U2SURP: variants seen among roughly 807,000 people sequenced by gnomAD.
The protein encoded by U2SURP is U2 snRNP associated SURP domain containing.
A neutral mutation model predicts 144.9 loss-of-function variants in U2SURP; 9 were observed. That is an observed-to-expected ratio of 0.06 (90% CI 0.04 to 0.11). U2SURP has a LOEUF of 0.11. Among genes scored for constraint, U2SURP ranks in the 10% least tolerant of loss-of-function variants. The pLI, the probability that U2SURP is intolerant of heterozygous loss-of-function variation, is 1.00. For synonymous variants in U2SURP, 408 were observed against 396.8 expected, an observed-to-expected ratio of 1.03 and a Z score of -0.33; for missense variants, 724 against 1,226.7, an observed-to-expected ratio of 0.59 and a Z score of 6.12.
At chr3:143,017,859 A>G (rs1312079632) in intron 6 of U2SURP, among the ~76,000 whole-genome samples, 1 of 151,932 alleles carries the variant, frequency 6.6e-6, no homozygotes, top group African/African-American at 2.4e-5. Context: ...CCTGGACTCA[A>G]GCGATTTGCC....
intron 24 of U2SURP, 40 bp downstream of exon 24, chr3:143,043,316 T>G (rs1270832430): frequency 1.3e-6 from 2 of 1,547,282 alleles, no homozygotes. Context: ...CTTTATTGGC[T>G]TTTCACTTTC....
At chr3:143,029,086 A>G (rs1933324250) in intron 16 of U2SURP, among the ~76,000 whole-genome samples, 2 of 152,208 alleles carry the variant, frequency 1.3e-5, no homozygotes, top group African/African-American at 4.8e-5. Context: ...TGAGATGGCC[A>G]CCATGGAAGT....
intron 19 of U2SURP, among the ~76,000 whole-genome samples, 198 bp from the exon 20 acceptor site, chr3:143,035,784 G>GT (rs531564314): frequency 4.0e-5 from 6 of 151,680 alleles, no homozygotes; most frequent in East Asian, 1.9e-4. Flanking sequence ...ATTTTTAGGG[G>GT]TTTTTTTCCT....
chr3:143,003,508 T>C (rs1042471518), intron 1 of U2SURP, among the ~76,000 whole-genome samples: 15 of 152,280 alleles, frequency 9.9e-5, no homozygotes, highest in African/African-American at 3.1e-4. Context: ...ATAATGTCTA[T>C]GAAGTACATA....
rs551820054 is a variant in U2SURP at position 143,046,278 on chromosome 3, T to C, written c.2544+3002T>C. On this transcript the variant is annotated intron_variant, in intron 24 of 27. Coordinates refer to ENST00000473835, the MANE Select transcript of U2SURP (RefSeq NM_001080415.2). The stretch of plus-strand genomic sequence containing the variant: ...CCAGAAGCCAGTTCTTTTTTTTTTT[T>C]TTTTTTAGTTTATTTTTTATTTTTT... Among the ~76,000 whole-genome samples the C allele has an allele frequency of 1.8e-4, 25 of 138,948 alleles. No individual in the cohort carries two copies. The East Asian group carries it at 4.9e-3, about 27-fold the overall frequency. 91.2% of individuals were successfully genotyped at this position (138,948 alleles called of 152,430 possible).
rs1402205738 is a variant in U2SURP at position 143,012,300 on chromosome 3, A to G, written c.169A>G (p.Asn57Asp). The change falls in exon 3 of 28, where the codon AAT (asparagine) becomes GAT (aspartate). Residue 57 changes from asparagine to aspartate, a missense_variant. This residue lies in a region of U2SURP where 127 missense variants were observed against 98.2 expected (regional missense o/e 1.29). Transcript: ENST00000473835. ...GAGCCCAAGAAAACATAATTATAGGAATGAAAGTGCCCGTGAAAGCCTTTG... is the reference window on the plus strand; with the variant it reads ...GAGCCCAAGAAAACATAATTATAGGGATGAAAGTGCCCGTGAAAGCCTTTG... ...PKSPRKHNYR[N>D]ESARESLCDS... 3.7e-6 allele frequency: 6 copies of G among 1,613,370 alleles called. No homozygotes were observed. Among genetic ancestry groups the G allele is most frequent in the Non-Finnish European group, 5.1e-6 (6 of 1,179,508 alleles).
chr3:143,023,089 C>A, intron 12 of U2SURP, 25 bp downstream of exon 12: 1 of 1,537,106 alleles, frequency 6.5e-7, no homozygotes. Flanking sequence ...GGACATAAGG[C>A]CGCATCTAAT....
chr3:143,010,286 C>T (rs915704286), intron 1 of U2SURP, among the ~76,000 whole-genome samples: 1 of 152,224 alleles, frequency 6.6e-6, no homozygotes, highest in South Asian at 2.1e-4. Context: ...AATCATCTCC[C>T]TTAAAACGAG....
rs1280633240 is a variant in U2SURP, at chr3:143,023,003, G to A, written c.1169G>A (p.Arg390Gln). The A allele has an allele frequency of 6.2e-7, 1 of 1,611,156 alleles. No homozygotes were observed. The highest frequency in any genetic ancestry group is 8.5e-7 in the Non-Finnish European group (1 of 1,178,650). Residue 390 changes from arginine to glutamine, a missense_variant, in exon 12 of 28, where the codon CGG becomes CAG. Arg to Gln is a conservative substitution (Grantham distance 43, BLOSUM62 1). Around this residue, in one of 13 missense-constraint regions of U2SURP, gnomAD observed 64 missense variants for 164.1 expected, o/e 0.39. Transcript: ENST00000473835. ...GLPFNAQPRERLKNPNAPMLP... is the reference protein window; with the variant it reads ...GLPFNAQPREQLKNPNAPMLP... ...CCTTTTAATGCGCAGCCTAGAGAGC[G>A]GTTAAAAAACCCTAATGCTCCTATG...
Position 143,043,640 on chromosome 3 carries a change from CTCTTT to C in U2SURP, c.2544+365_2544+369del, listed in dbSNP as rs1466840297. Among the ~76,000 whole-genome samples, 3 of 152,130 alleles carry C rather than the reference CTCTTT, an allele frequency of 2.0e-5. No individual in the cohort carries two copies. The East Asian group carries it at 5.8e-4, about 29-fold the overall frequency. On this transcript the variant is annotated intron_variant, in intron 24 of 27. Coordinates refer to ENST00000473835, the MANE Select transcript of U2SURP (RefSeq NM_001080415.2). ...GAAGGGAAAAGGCCATGTCTGTTTT[CTCTTT>C]ATCATTGTATGTCTAATACATGACA...
intron 10 of U2SURP, among the ~76,000 whole-genome samples, 184 bp from the exon 11 acceptor site, chr3:143,022,313 G>A (rs549905083): frequency 1.3e-5 from 2 of 152,296 alleles, no homozygotes; most frequent in Non-Finnish European, 2.9e-5. Context: ...AATATTTATA[G>A]TATGAAATGA....
intron 16 of U2SURP, among the ~76,000 whole-genome samples, chr3:143,029,322 G>C (rs1256523516): frequency 6.6e-6 from 1 of 152,194 alleles, no homozygotes. Flanking sequence ...TTGAAGGTTT[G>C]TGGCAACCCT....
In U2SURP at chr3:143,059,732, G is replaced by C. The variant is rs566378715; in HGVS notation, c.*3282G>C. 2 of 151,596 alleles carry C rather than the reference G, an allele frequency of 1.3e-5. No homozygotes were observed. Among genetic ancestry groups the C allele is most frequent in the East Asian group, 3.9e-4 (2 of 5,192 alleles). The allele number at this position is 151,596 out of a possible 1,614,324, so 9.4% of individuals were successfully genotyped here. A position where few individuals can be genotyped will look rare whatever the true frequency, so the allele number is the denominator to read the frequency against. ...TACAAATAAGGTTTTTTTCTTTGTT[G>C]TTTTCCTCTTCTATTAAGTTTTAGT... On this transcript the variant is annotated 3_prime_UTR_variant, in exon 28 of 28. Transcript: ENST00000473835.
At chr3:143,042,075 T>C (rs1423352664) in intron 23 of U2SURP, among the ~76,000 whole-genome samples, 3 of 152,096 alleles carry the variant, frequency 2.0e-5, no homozygotes, top group Non-Finnish European at 4.4e-5. Flanking sequence ...TGTACTAGCA[T>C]TGATGACCAG....
intron 23 of U2SURP, 81 bp downstream of exon 23, chr3:143,039,041 G>A (rs1933959368): frequency 9.6e-7 from 1 of 1,044,054 alleles, no homozygotes; most frequent in Non-Finnish European, 1.3e-6. Flanking sequence ...TGAAATAATA[G>A]TGAAGTGGAA....
intron 1 of U2SURP, among the ~76,000 whole-genome samples, chr3:143,002,015 A>G (rs557743258): frequency 1.3e-5 from 2 of 152,338 alleles, no homozygotes; most frequent in East Asian, 3.9e-4. Context: ...GCCGCCAGAC[A>G]GCGCCTGGGA....
At chr3:143,024,685 G>T in intron 13 of U2SURP, 1 of 207,594 alleles carries the variant, frequency 4.8e-6, no homozygotes, top group Non-Finnish European at 1.0e-5. Context: ...ACACAACACT[G>T]GTTGAATAAT....
At chr3:143,008,740 G>A (rs1489527224) in intron 1 of U2SURP, among the ~76,000 whole-genome samples, 5 of 152,184 alleles carry the variant, frequency 3.3e-5, no homozygotes, top group Non-Finnish European at 7.3e-5. Flanking sequence ...GTTAATACTG[G>A]TGTATTGGAA....
chr3:143,003,677 C>CTTT (rs60505715), intron 1 of U2SURP, among the ~76,000 whole-genome samples: 5,239 of 101,180 alleles, frequency 0.052, 393 homozygotes, highest in Non-Finnish European at 0.077. Flanking sequence ...TATTTTATTT[C>CTTT]TTTTTTTTTT....
Sources: allele counts gnomAD v4.1 joint callset (sites outside exome capture counted in the v4.1 genomes callset), GRCh38; gene constraint gnomAD v4.1.1; regional missense constraint gnomAD v4.1.1; transcripts MANE v1.5; gene names NCBI Gene and HGNC (gene_info 2026-07-23, HGNC 2026-07-21).